Variants in MACROD2 observed in about 807,000 individuals in gnomAD.
The protein encoded by MACROD2 is mono-ADP ribosylhydrolase 2.
In MACROD2, 36 loss-of-function variants were observed where a neutral mutation model predicts 70.4. That is an observed-to-expected ratio of 0.51 (90% CI 0.39 to 0.68). MACROD2 has a LOEUF of 0.68. Among genes scored for constraint, MACROD2 ranks in the 30% least tolerant of loss-of-function variants. The pLI is 0.00. For synonymous variants in MACROD2, 172 were observed against 178.8 expected, an observed-to-expected ratio of 0.96 and a Z score of 0.30; for missense variants, 496 against 538.4, an observed-to-expected ratio of 0.92 and a Z score of 0.78.
At chr20:14,088,188 G>A (rs1276818057) in intron 3 of MACROD2, among the ~76,000 whole-genome samples, 1 of 151,930 alleles carries the variant, frequency 6.6e-6, no homozygotes, top group African/African-American at 2.4e-5. Flanking sequence ...AATTAGCCAG[G>A]CGTGGTGGCG....
At chr20:15,213,539 G>T (rs2076782268) in intron 5 of MACROD2, among the ~76,000 whole-genome samples, 1 of 152,012 alleles carries the variant, frequency 6.6e-6, no homozygotes, top group Non-Finnish European at 1.5e-5. Context: ...GACAGAGATT[G>T]AGTTTATGCT....
chr20:14,520,495 T>A (rs6079469), intron 4 of MACROD2, among the ~76,000 whole-genome samples: 25,502 of 150,644 alleles, frequency 0.17, 2,512 homozygotes, highest in Non-Finnish European at 0.22. Flanking sequence ...TGTTATTATT[T>A]TTTTTTTTTC....
At chr20:14,933,923 A>T (rs1397279764) in intron 5 of MACROD2, 1 of 152,154 alleles carries the variant, frequency 6.6e-6, no homozygotes, top group Non-Finnish European at 1.5e-5. Context: ...ATAGGTGATA[A>T]CTCATTCAAT....
intron 5 of MACROD2, among the ~76,000 whole-genome samples, chr20:14,696,207 A>C (rs1402195120): frequency 6.6e-6 from 1 of 151,956 alleles, no homozygotes; most frequent in Non-Finnish European, 1.5e-5. Flanking sequence ...TAGATAGTCA[A>C]AGAGAACCCA....
chr20:14,974,822 C>T (rs1453911771), intron 5 of MACROD2, among the ~76,000 whole-genome samples: 1 of 151,994 alleles, frequency 6.6e-6, no homozygotes, highest in South Asian at 2.1e-4. Context: ...GCAAGGTGGG[C>T]AAGCAGATAT....
At position 15,322,722 on chromosome 20, in the gene MACROD2, T is replaced by C. The variant is rs1431268810; in HGVS notation, c.540+92661T>C. Among the ~76,000 whole-genome samples the C allele has an allele frequency of 2.1e-5, 3 of 144,308 alleles. 1 individual carries two copies. The highest frequency in any genetic ancestry group is 4.7e-5 in the Non-Finnish European group (3 of 63,758). The allele number at this position is 144,308 out of a possible 152,430, so 94.7% of individuals were successfully genotyped here. On this transcript the variant is annotated intron_variant, in intron 6 of 17. Coordinates refer to ENST00000684519, the MANE Select transcript of MACROD2 (RefSeq NM_001351661.2). Reference sequence around the variant, plus strand: ...AATGACATTCTCCCTGAATTTGTCTTCTATTTAGTGGTGGATTGGTTTCAC... The same window carrying C: ...AATGACATTCTCCCTGAATTTGTCTCCTATTTAGTGGTGGATTGGTTTCAC...
chr20:15,085,862 C>A, intron 5 of MACROD2, among the ~76,000 whole-genome samples: 1 of 124,236 alleles, frequency 8.0e-6, no homozygotes, highest in East Asian at 2.1e-4. Flanking sequence ...ATGAATAACA[C>A]ACACACACAC....
chr20:15,348,340 A>T (rs143932057), intron 6 of MACROD2, among the ~76,000 whole-genome samples: 33 of 152,332 alleles, frequency 2.2e-4, no homozygotes, highest in African/African-American at 7.5e-4. Context: ...TAGCATTAGC[A>T]TTGTTGTAAT....
chr20:15,795,342 G>A (rs2063663296), intron 8 of MACROD2, among the ~76,000 whole-genome samples: 1 of 152,066 alleles, frequency 6.6e-6, no homozygotes, highest in African/African-American at 2.4e-5. Flanking sequence ...TGTGGGATCA[G>A]CAATGAGGGT....
intron 4 of MACROD2, among the ~76,000 whole-genome samples, chr20:14,516,968 C>T (rs2085108070): frequency 6.6e-6 from 1 of 152,126 alleles, no homozygotes; most frequent in African/African-American, 2.4e-5. Context: ...TAGAGAAATG[C>T]AAATCAAAAT....
At chr20:14,003,656 G>A in intron 2 of MACROD2, 3 of 452,466 alleles carry the variant, frequency 6.6e-6, no homozygotes, top group South Asian at 1.8e-5. Context: ...AGAAGGGTGG[G>A]AAGCCAGAGC....
intron 5 of MACROD2, among the ~76,000 whole-genome samples, chr20:14,981,016 A>C (rs2074792083): frequency 6.8e-6 from 1 of 146,360 alleles, no homozygotes; most frequent in Non-Finnish European, 1.5e-5. Context: ...TCCTTTACAA[A>C]AAGAAGTGTG....
chr20:15,649,090 TCCCTC>T (rs1339401865), intron 8 of MACROD2, among the ~76,000 whole-genome samples: 2 of 34,822 alleles, frequency 5.7e-5, no homozygotes, highest in Non-Finnish European at 1.1e-4. Context: ...TCCCTCCCCT[TCCCTC>T]CCCTCCCCTC....
intron 2 of MACROD2, among the ~76,000 whole-genome samples, chr20:14,036,797 G>C (rs1179101378): frequency 6.6e-6 from 1 of 152,156 alleles, no homozygotes; most frequent in African/African-American, 2.4e-5. Context: ...CCGAGTAGCT[G>C]GGACCACTGG....
chr20:15,952,766 A>T (rs75449589), intron 12 of MACROD2, among the ~76,000 whole-genome samples: 2,083 of 152,226 alleles, frequency 0.014, 46 homozygotes, highest in African/African-American at 0.047. Context: ...CCAGAGATGG[A>T]TGATATTGTT....
At chr20:14,133,235 C>G (rs896853254) in intron 3 of MACROD2, among the ~76,000 whole-genome samples, 3 of 152,178 alleles carry the variant, frequency 2.0e-5, no homozygotes, top group African/African-American at 7.2e-5. Flanking sequence ...ATCACAATGA[C>G]CTACCTTAAA....
chr20:15,260,814 T>C (rs539663360), intron 6 of MACROD2, among the ~76,000 whole-genome samples: 60 of 152,168 alleles, frequency 3.9e-4, no homozygotes, highest in African/African-American at 1.3e-3. Context: ...CTCTTTCTGC[T>C]GTTAATAATG....
At chr20:15,088,322 A>C (rs1280051597) in intron 5 of MACROD2, among the ~76,000 whole-genome samples, 1 of 150,318 alleles carries the variant, frequency 6.7e-6, no homozygotes, top group Non-Finnish European at 1.5e-5. Context: ...ATTATGATTA[A>C]GCTGTCCAAA....
intron 2 of MACROD2, among the ~76,000 whole-genome samples, chr20:14,049,973 A>T (rs1248601401): frequency 6.6e-6 from 1 of 151,398 alleles, no homozygotes; most frequent in African/African-American, 2.4e-5. Context: ...AATCCCAGCT[A>T]CTCAGGAGGC....
Sources: allele counts gnomAD v4.1 joint callset (sites outside exome capture counted in the v4.1 genomes callset), GRCh38; gene constraint gnomAD v4.1.1; transcripts MANE v1.5; gene names NCBI Gene and HGNC (gene_info 2026-07-23, HGNC 2026-07-21).